AGAP1: variants seen among roughly 807,000 people sequenced by gnomAD.
AGAP1 encodes the protein ArfGAP with GTPase domain, ankyrin repeat and PH domain 1.
In AGAP1, 29 loss-of-function variants were observed where a neutral mutation model predicts 105.3. That is an observed-to-expected ratio of 0.28 (90% CI 0.21 to 0.38). AGAP1 has a LOEUF of 0.38. AGAP1 is among the 10% of genes least tolerant of loss of function. AGAP1 has a pLI of 1.00. For missense variants in AGAP1, 998 were observed against 1,165.1 expected (o/e 0.86, Z 2.09); for synonymous variants, 509 against 485.9 (o/e 1.05, Z -0.63).
chr2:235,565,827 A>G (rs1361020504), intron 1 of AGAP1, among the ~76,000 whole-genome samples: 3 of 152,022 alleles, frequency 2.0e-5, no homozygotes, highest in Non-Finnish European at 4.4e-5. Flanking sequence ...CGCCAGGCTC[A>G]TTTTTTATTT....
intron 6 of AGAP1, among the ~76,000 whole-genome samples, chr2:235,778,658 G>A (rs1323438719): frequency 1.3e-5 from 2 of 152,202 alleles, no homozygotes; most frequent in African/African-American, 4.8e-5. Context: ...CAGTGCCAGG[G>A]TCCTCATCTG....
intron 9 of AGAP1, among the ~76,000 whole-genome samples, chr2:235,833,357 G>T (rs540951686): frequency 6.6e-6 from 1 of 152,316 alleles, no homozygotes; most frequent in Admixed American, 6.5e-5. Flanking sequence ...GCTTGCTGTA[G>T]CAAAATTAGA....
intron 6 of AGAP1, among the ~76,000 whole-genome samples, chr2:235,795,663 T>C (rs1315026689): frequency 6.6e-6 from 1 of 151,404 alleles, no homozygotes; most frequent in Non-Finnish European, 1.5e-5. Flanking sequence ...AGGACAAATA[T>C]GAAAAAAAAA....
chr2:235,667,959 C>CAAAA lies in AGAP1; in HGVS notation c.164-41198_164-41195dup, dbSNP rs142657060. ...GGCAAGAGCGAGTGAGCCTCTGTCT[C>CAAAA]AAAAAAAAAAAAAAAAAAAAAAAAA... On this transcript the variant is annotated intron_variant, in intron 1 of 17. Coordinates refer to ENST00000304032, the MANE Select transcript of AGAP1 (RefSeq NM_001037131.3). 2.7e-3 allele frequency among the ~76,000 whole-genome samples: 169 copies of CAAAA among 61,952 alleles called. 5 individuals are homozygous for CAAAA. The highest frequency in any genetic ancestry group is 0.01 in the African/African-American group (153 of 14,906). 40.6% of individuals were successfully genotyped at this position (61,952 alleles called of 152,430 possible).
intron 6 of AGAP1, among the ~76,000 whole-genome samples, chr2:235,784,374 T>C (rs1383979287): frequency 1.3e-5 from 2 of 152,182 alleles, no homozygotes; most frequent in Non-Finnish European, 2.9e-5. Context: ...TTTGACTTCC[T>C]CACTATTCCT....
Position 235,739,306 on chromosome 2 carries a change from C to T in AGAP1, c.311-1657C>T, listed in dbSNP as rs140904186. ...TCCACCTGTGTCAGATGTTTCCCAG[C>T]TTGTTTCATGATGACAACAGCTCTG... On this transcript the variant is annotated intron_variant, in intron 3 of 17. Transcript: ENST00000304032. The surrounding 1 kb of genome is among the most constrained non-coding windows in gnomAD (Gnocchi z 5.3). Among the ~76,000 whole-genome samples, 352 of 152,334 alleles carry T rather than the reference C, an allele frequency of 2.3e-3. 2 individuals carry two copies. The highest frequency in any genetic ancestry group is 8.2e-3 in the African/African-American group (340 of 41,584).
intron 9 of AGAP1, among the ~76,000 whole-genome samples, chr2:235,825,060 A>G (rs559162720): frequency 2.6e-5 from 4 of 152,338 alleles, no homozygotes; most frequent in South Asian, 4.1e-4. Context: ...GAAAAGTGCA[A>G]ATTGCTACTG....
rs57069910 is a variant in AGAP1, at chr2:235,721,477, A to ATGTGTGTG, written c.310+3853_310+3860dup. ...TTGGATTGACAGATTCCTTAATATT[A>ATGTGTGTG]TGTGTGTGTGTGTGTGTGTGTGTGT... On this transcript the variant is annotated intron_variant, in intron 3 of 17. Transcript: ENST00000304032. This position sits in a 1 kb window ranked among gnomAD's most constrained non-coding sequence, Gnocchi z 4.5. Among the ~76,000 whole-genome samples, 96 of 149,728 alleles carry ATGTGTGTG rather than the reference A, an allele frequency of 6.4e-4. No homozygotes were observed. Among genetic ancestry groups the ATGTGTGTG allele is most frequent in the African/African-American group, 1.9e-3 (78 of 40,756 alleles).
At chr2:236,023,047 T>C (rs1262841979) in intron 13 of AGAP1, among the ~76,000 whole-genome samples, 1 of 152,100 alleles carries the variant, frequency 6.6e-6, no homozygotes, top group African/African-American at 2.4e-5. Context: ...TGAGGAAAAA[T>C]AGCATTAAAG....
intron 1 of AGAP1, among the ~76,000 whole-genome samples, chr2:235,647,187 C>T (rs1410016910): frequency 6.6e-6 from 1 of 151,656 alleles, no homozygotes; most frequent in Non-Finnish European, 1.5e-5. Flanking sequence ...ACAAGGTCAG[C>T]TTTTTGTTTG....
intron 6 of AGAP1, among the ~76,000 whole-genome samples, chr2:235,791,472 T>A (rs1016722671): frequency 6.6e-6 from 1 of 152,174 alleles, no homozygotes; most frequent in African/African-American, 2.4e-5. Flanking sequence ...CTGTCCCTGA[T>A]ATGCTGATAT....
At chr2:235,765,986 C>T (rs189437670) in intron 6 of AGAP1, among the ~76,000 whole-genome samples, 9 of 152,218 alleles carry the variant, frequency 5.9e-5, no homozygotes, top group Admixed American at 2.0e-4. Context: ...TGGACAGGAC[C>T]GGTCTTGTCA....
At chr2:235,643,065 C>T (rs536961852) in intron 1 of AGAP1, among the ~76,000 whole-genome samples, 1 of 152,238 alleles carries the variant, frequency 6.6e-6, no homozygotes, top group South Asian at 2.1e-4. Context: ...GCTCCTTCCC[C>T]CTTTTTTCTA....
intron 6 of AGAP1, among the ~76,000 whole-genome samples, chr2:235,765,253 CATCTGGGAGCGTCCGTGGGGGTGGGGGT>C (rs1954843343): frequency 2.9e-4 from 7 of 24,274 alleles, no homozygotes; most frequent in Non-Finnish European, 4.8e-4. Context: ...GGGGTGGGGG[CATCTGGGAGCGTCCGTGGGGGTGGGGGT>C]ATCTGGGAGC....
chr2:235,667,380 G>T (rs1187151545), intron 1 of AGAP1, among the ~76,000 whole-genome samples: 1 of 152,126 alleles, frequency 6.6e-6, no homozygotes, highest in Non-Finnish European at 1.5e-5. Context: ...TTTGATTTGT[G>T]TGGAGTTCAG....
At position 235,700,801 on chromosome 2, in the gene AGAP1, GTCTCTC is replaced by G. The variant is rs140580993; in HGVS notation, c.164-8364_164-8359del. Among the ~76,000 whole-genome samples the G allele has an allele frequency of 6.8e-6, 1 of 147,430 alleles. No homozygotes were observed. Among genetic ancestry groups the G allele is most frequent in the Admixed American group, 6.8e-5 (1 of 14,644 alleles). ...GGCGACAAAGCGAGAATCTGTCTCT[GTCTCTC>G]TCTCTCTCTCTCTGTGTATATATAG... On this transcript the variant is annotated intron_variant, in intron 1 of 17. Transcript: ENST00000304032. This position sits in a 1 kb window ranked among gnomAD's most constrained non-coding sequence, Gnocchi z 6.1.
Position 235,635,245 on chromosome 2 carries a change from G to A in AGAP1, c.164-73934G>A, listed in dbSNP as rs1292607333. Among the ~76,000 whole-genome samples the A allele has an allele frequency of 2.0e-5, 3 of 152,022 alleles. No individual in the cohort carries two copies. The highest frequency in any genetic ancestry group is 4.4e-5 in the Non-Finnish European group (3 of 68,004). ...GTCGGTCAAACCTTTCCAAGCCTCC[G>A]TGTCCTCATCTGAAAATGGGAATGA... On this transcript the variant is annotated intron_variant, in intron 1 of 17. Transcript: ENST00000304032. The surrounding 1 kb of genome is among the most constrained non-coding windows in gnomAD (Gnocchi z 5.3).
chr2:235,844,450 T>C (rs1240366440), intron 9 of AGAP1, among the ~76,000 whole-genome samples: 1 of 152,170 alleles, frequency 6.6e-6, no homozygotes, highest in Non-Finnish European at 1.5e-5. Flanking sequence ...TATAAAATTT[T>C]ATCATTTTTA....
At position 236,114,503 on chromosome 2, in the gene AGAP1, G is replaced by A. The variant is rs2059722667; in HGVS notation, c.2115-5689G>A. Among the ~76,000 whole-genome samples the A allele has an allele frequency of 6.6e-6, 1 of 152,198 alleles. No individual in the cohort carries two copies. The highest frequency in any genetic ancestry group is 2.1e-4 in the South Asian group (1 of 4,824). On this transcript the variant is annotated intron_variant, in intron 16 of 17. Coordinates refer to ENST00000304032, the MANE Select transcript of AGAP1 (RefSeq NM_001037131.3). This position sits in a 1 kb window ranked among gnomAD's most constrained non-coding sequence, Gnocchi z 5.0. ...AGTATTACACTTGGGTGGCTTAAGTGCGGGACATTCACGTCTCACAGTTCT... is the reference window on the plus strand; with the variant it reads ...AGTATTACACTTGGGTGGCTTAAGTACGGGACATTCACGTCTCACAGTTCT...
Sources: gnomAD v4.1 joint callset for allele counts (sites outside exome capture counted in the v4.1 genomes callset) on GRCh38, gnomAD v4.1.1 for gene constraint, Gnocchi (gnomAD v3.1) non-coding constraint, MANE v1.5 for transcripts, NCBI Gene and HGNC (gene_info 2026-07-23, HGNC 2026-07-21) for gene names.